Variants in EXTL2 observed in about 807,000 individuals in gnomAD.
EXTL2 encodes the protein exostosin like glycosyltransferase 2.
EXTL2 carries 23 observed loss-of-function variants against 30.7 expected under a neutral mutation model. That is an observed-to-expected ratio of 0.75 (90% confidence interval 0.54 to 1.06). The LOEUF (loss-of-function observed/expected upper bound fraction) is 1.06, where lower values mean the gene tolerates loss of function less well. Among genes scored for constraint, EXTL2 ranks in the 50% least tolerant of loss-of-function variants. EXTL2 has a pLI of 0.00. For missense variants in EXTL2, 352 were observed against 396.3 expected (o/e 0.89, Z 0.95); for synonymous variants, 123 against 133.8 (o/e 0.92, Z 0.56).
rs114941724 is a variant in EXTL2 at position 100,893,657 on chromosome 1, A to T, written c.-72+976T>A. Among the ~76,000 whole-genome samples the T allele has an allele frequency of 5.4e-3, 825 of 152,360 alleles. 2 individuals carry two copies. The highest frequency in any genetic ancestry group is 0.019 in the African/African-American group (800 of 41,578). ...ATAGGTTAACATATATGGGACAAAC[A>T]TTATTTGACAATGACAAAAGAAGTG... On this transcript the variant is annotated intron_variant, in intron 1 of 4. Coordinates refer to ENST00000370114, the MANE Select transcript of EXTL2 (RefSeq NM_001033025.3).
At chr1:100,888,606 T>C in intron 2 of EXTL2, 147 bp downstream of exon 2, 1 of 424,312 alleles carries the variant, frequency 2.4e-6, no homozygotes, top group East Asian at 3.4e-5. Context: ...TTTTGCAAGA[T>C]GAAAAAGTTC....
chr1:100,889,800 CAG>C (rs1650277515), intron 1 of EXTL2, among the ~76,000 whole-genome samples: 1 of 152,228 alleles, frequency 6.6e-6, no homozygotes, highest in South Asian at 2.1e-4. Flanking sequence ...GGTGGGCTCT[CAG>C]AGTCTTGGGA....
intron 4 of EXTL2, 88 bp downstream of exon 4, chr1:100,876,706 G>T: frequency 1.2e-6 from 1 of 802,424 alleles, no homozygotes; most frequent in Non-Finnish European, 2.1e-6. Context: ...AAATATTTTA[G>T]GTAACTTCTA....
chr1:100,876,949 A>C, intron 3 of EXTL2, 85 bp from the exon 4 acceptor site: 1 of 789,826 alleles, frequency 1.3e-6, no homozygotes, highest in Non-Finnish European at 2.1e-6. Context: ...TATATAGATC[A>C]TTCAAATGAA....
chr1:100,888,929 A>G (rs1270360716), intron 1 of EXTL2, 101 bp from the exon 2 acceptor site: 2 of 453,236 alleles, frequency 4.4e-6, no homozygotes, highest in Non-Finnish European at 8.0e-6. Flanking sequence ...ATTGTCCATA[A>G]GCCTTGAGTT....
chr1:100,879,504 A>G (rs1649400311), intron 2 of EXTL2, among the ~76,000 whole-genome samples: 1 of 152,208 alleles, frequency 6.6e-6, no homozygotes, highest in East Asian at 1.9e-4. Context: ...GGAAAAAAAT[A>G]GATCTCTGAG....
chr1:100,879,260 A>G (rs71662908), intron 2 of EXTL2, among the ~76,000 whole-genome samples: 6,310 of 152,136 alleles, frequency 0.041, 182 homozygotes, highest in Middle Eastern at 0.085. Flanking sequence ...ATTCCAGGCT[A>G]CTTACTCTTC....
rs1648944935 is a variant in EXTL2 at position 100,874,442 on chromosome 1, G to A, written c.505-12C>T. ...TGATCAGGAAATTGCTGAAAAGAGG[G>A]AAAAAGAACAATAAAATGTCACATA... is the stretch of plus-strand genomic sequence containing the variant. On this transcript the variant is annotated splice_polypyrimidine_tract_variant and intron_variant, in intron 4 of 4. Transcript: ENST00000370114. 6.4e-7 allele frequency: 1 copy of A among 1,556,494 alleles called. No homozygotes were observed. Among genetic ancestry groups the A allele is most frequent in the Non-Finnish European group, 8.7e-7 (1 of 1,151,574 alleles).
intron 1 of EXTL2, among the ~76,000 whole-genome samples, chr1:100,889,168 T>C (rs1006623089): frequency 6.6e-6 from 1 of 152,208 alleles, no homozygotes; most frequent in African/African-American, 2.4e-5. Flanking sequence ...TAGGGAGGCC[T>C]CTTATGACCA....
chr1:100,872,895 G>T lies in EXTL2; in HGVS notation c.*1047C>A, dbSNP rs1421797488. The T allele has an allele frequency of 6.6e-6, 1 of 151,932 alleles. No individual in the cohort carries two copies. The highest frequency in any genetic ancestry group is 2.4e-5 in the African/African-American group (1 of 41,404). 9.4% of individuals were successfully genotyped at this position (151,932 alleles called of 1,614,324 possible). ...TATAGAATTCCTCTGTTATGACTGG[G>T]TTCTTATTTTCTCCTCCTTGTATGT... On this transcript the variant is annotated 3_prime_UTR_variant, in exon 5 of 5. Transcript: ENST00000370114.
intron 1 of EXTL2, 169 bp from the exon 2 acceptor site, chr1:100,888,997 G>T: frequency 2.6e-6 from 1 of 391,342 alleles, no homozygotes; most frequent in Non-Finnish European, 4.6e-6. Flanking sequence ...AGGCAATGAG[G>T]TAGATGATTA....
chr1:100,874,037 G>A lies in EXTL2; in HGVS notation c.898C>T (p.Leu300Phe). ...ALQRSYCINK[L>F]VNIYDSMPLR... is the part of the protein sequence containing the mutation. Reference sequence around the variant, plus strand: ...GGCATGCTATCATAGATATTAACAAGCTTATTTATACAATAAGACCTCTGC... The same window carrying A: ...GGCATGCTATCATAGATATTAACAAACTTATTTATACAATAAGACCTCTGC... The change falls in exon 5 of 5, where the codon CTT (leucine) becomes TTT (phenylalanine). Residue 300 changes from leucine (L) to phenylalanine (F), a missense_variant. Coordinates refer to ENST00000370114, the MANE Select transcript of EXTL2 (RefSeq NM_001033025.3). The A allele has an allele frequency of 2.5e-6, 4 of 1,612,822 alleles. No individual in the cohort carries two copies. The highest frequency in any genetic ancestry group is 3.4e-6 in the Non-Finnish European group (4 of 1,179,226).
chr1:100,883,292 G>C (rs1196720024), intron 2 of EXTL2, among the ~76,000 whole-genome samples: 1 of 152,152 alleles, frequency 6.6e-6, no homozygotes, highest in Non-Finnish European at 1.5e-5. Context: ...TAATCACAGA[G>C]TTTTGCAACC....
intron 1 of EXTL2, among the ~76,000 whole-genome samples, chr1:100,892,066 C>T (rs1294497411): frequency 6.6e-6 from 1 of 152,158 alleles, no homozygotes; most frequent in Non-Finnish European, 1.5e-5. Flanking sequence ...TTCAAGTTGA[C>T]AAGGGATGGA....
chr1:100,881,352 T>C (rs1194807638), intron 2 of EXTL2, among the ~76,000 whole-genome samples: 1 of 152,196 alleles, frequency 6.6e-6, no homozygotes, highest in Non-Finnish European at 1.5e-5. Context: ...CGTTCTTCTG[T>C]TCTTCTTTTA....
At chr1:100,889,432 C>G (rs1650239978) in intron 1 of EXTL2, among the ~76,000 whole-genome samples, 1 of 152,140 alleles carries the variant, frequency 6.6e-6, no homozygotes, top group South Asian at 2.1e-4. Flanking sequence ...TCATTCTACC[C>G]CGGCCCCTCC....
At chr1:100,878,099 T>A (rs748439191) in intron 2 of EXTL2, among the ~76,000 whole-genome samples, 196 bp from the exon 3 acceptor site, 1 of 152,158 alleles carries the variant, frequency 6.6e-6, no homozygotes, top group African/African-American at 2.4e-5. Context: ...CTTCTTGCCC[T>A]GCTTGTTACG....
chr1:100,879,013 A>T (rs1649354408), intron 2 of EXTL2, among the ~76,000 whole-genome samples: 1 of 152,162 alleles, frequency 6.6e-6, no homozygotes, highest in African/African-American at 2.4e-5. Context: ...ATAGCCATAG[A>T]ACAGTAGTGA....
At chr1:100,882,893 A>G (rs1649674136) in intron 2 of EXTL2, among the ~76,000 whole-genome samples, 1 of 152,248 alleles carries the variant, frequency 6.6e-6, no homozygotes, top group Non-Finnish European at 1.5e-5. Flanking sequence ...TTACATAATT[A>G]TATGACTTAT....
Sources: allele counts gnomAD v4.1 joint callset (sites outside exome capture counted in the v4.1 genomes callset), GRCh38; gene constraint gnomAD v4.1.1; transcripts MANE v1.5; gene names NCBI Gene and HGNC (gene_info 2026-07-23, HGNC 2026-07-21).